The following ZSCAN31 variants were observed in gnomAD, a reference collection of about 807,000 sequenced individuals.
The protein encoded by ZSCAN31 is zinc finger and SCAN domain-containing protein 31.
A neutral mutation model predicts 22.5 loss-of-function variants in ZSCAN31; 14 were observed. The observed-to-expected ratio is 0.62, with a 90% CI of 0.41 to 0.97. The LOEUF (loss-of-function observed/expected upper bound fraction) is 0.97, where lower values mean the gene tolerates loss of function less well. Among genes scored for constraint, ZSCAN31 ranks in the 50% least tolerant of loss-of-function variants. The pLI is 0.00. For synonymous variants in ZSCAN31, 168 were observed against 169.8 expected, an observed-to-expected ratio of 0.99 and a Z score of 0.08; for missense variants, 424 against 483.4, an observed-to-expected ratio of 0.88 and a Z score of 1.15.
intron 2 of ZSCAN31, among the ~76,000 whole-genome samples, chr6:28,348,030 C>T (rs1764717097): frequency 6.6e-6 from 1 of 150,676 alleles, no homozygotes; most frequent in South Asian, 2.1e-4. Flanking sequence ...ATTGCCTGTG[C>T]ATATTTTTTG....
In ZSCAN31 at chr6:28,329,375, A is replaced by G; in HGVS notation, c.309T>C (p.His103=). ...CCACAGCCTCCTCCCCACTCTCCGGATGGTGCTCCCGCACCCAGGCCTGGA... is the reference window on the plus strand; with the variant it reads ...CCACAGCCTCCTCCCCACTCTCCGGGTGGTGCTCCCGCACCCAGGCCTGGA... ...EELQAWVREH[H]PESGEEAVAV... is the part of the protein sequence containing the mutation. Residue 103 remains histidine (H), a synonymous_variant, in exon 2 of 4, where the codon CAT becomes CAC. Coordinates refer to ENST00000344279, the MANE Select transcript of ZSCAN31 (RefSeq NM_030899.5). 1 of 1,613,960 alleles carries G rather than the reference A, an allele frequency of 6.2e-7. No homozygotes were observed. The highest frequency in any genetic ancestry group is 1.1e-5 in the South Asian group (1 of 91,076).
chr6:28,341,690 G>T (rs1764420398), intron 3 of ZSCAN31: 1 of 152,270 alleles, frequency 6.6e-6, no homozygotes, highest in Non-Finnish European at 1.5e-5. Flanking sequence ...ATTGGAGCAT[G>T]CATCCTCTGT....
In ZSCAN31 at chr6:28,351,726, C is replaced by T. The variant is rs1765031039; in HGVS notation, c.-371+2136G>A. ...CTCCCTCCTTTCTTTGTCTTCCTTT[C>T]CTTCCCTCCCTCTCCCCCTCTTTAT... On this transcript the variant is annotated intron_variant, in intron 2 of 7. Coordinates refer to the ZSCAN31 transcript ENST00000396838. This position sits in a 1 kb window ranked among gnomAD's most constrained non-coding sequence, Gnocchi z 4.6. 6.6e-6 allele frequency among the ~76,000 whole-genome samples: 1 copy of T among 151,542 alleles called. No homozygotes were observed. The highest frequency in any genetic ancestry group is 1.9e-4 in the East Asian group (1 of 5,174).
chr6:28,343,741 G>A (rs931743744), intron 2 of ZSCAN31, among the ~76,000 whole-genome samples: 1 of 151,844 alleles, frequency 6.6e-6, no homozygotes, highest in Non-Finnish European at 1.5e-5. Flanking sequence ...TGTTAGCCAG[G>A]ATAGTCTTGA....
Position 28,329,507 on chromosome 6 carries a change from C to A in ZSCAN31, c.177G>T (p.Arg59=), listed in dbSNP as rs962443986. 2.5e-6 allele frequency: 4 copies of A among 1,614,088 alleles called. No homozygotes were observed. The highest frequency in any genetic ancestry group is 3.4e-6 in the Non-Finnish European group (4 of 1,180,046). The change falls in exon 2 of 4, where the codon CGG becomes CGT. Residue 59 remains arginine (R), a synonymous_variant. Transcript: ENST00000344279. ...ETPGPREALS[R]LRELCHQWLR... The stretch of plus-strand genomic sequence containing the variant: ...GCCACTGATGACAGAGTTCTCGGAG[C>A]CGGCTCAGAGCTTCTCGGGGACCAG...
chr6:28,340,240 T>A (rs1024244114), upstream of ZSCAN31, among the ~76,000 whole-genome samples: 1 of 152,222 alleles, frequency 6.6e-6, no homozygotes, highest in Non-Finnish European at 1.5e-5. Flanking sequence ...AATTTACATT[T>A]CACATATAGA....
intron 2 of ZSCAN31, among the ~76,000 whole-genome samples, chr6:28,346,367 T>A (rs1057309137): frequency 3.2e-3 from 294 of 93,178 alleles, no homozygotes; most frequent in South Asian, 0.01. Context: ...TTTTTTTTTT[T>A]AAACTGAGTC....
rs5875155 is a variant in ZSCAN31, at chr6:28,346,342, C to CTTTTTTTTTTTTTT, written c.-370-4564_-370-4551dup. On this transcript the variant is annotated intron_variant, in intron 2 of 7. Transcript: ENST00000396838. ...GCTTCTTGCTTCTCCTCAGTACAAT[C>CTTTTTTTTTTTTTT]TTTTTTTTTTTTTTTTTTTTTTTTT... is the stretch of plus-strand genomic sequence containing the variant. Among the ~76,000 whole-genome samples the CTTTTTTTTTTTTTT allele has an allele frequency of 5.8e-3, 509 of 87,728 alleles. 58 individuals are homozygous for CTTTTTTTTTTTTTT. The highest frequency in any genetic ancestry group is 0.019 in the African/African-American group (413 of 21,350). The allele number at this position is 87,728 out of a possible 152,430, so 57.6% of individuals were successfully genotyped here. A position where few individuals can be genotyped will look rare whatever the true frequency, so the allele number is the denominator to read the frequency against.
rs1205996709 is a variant in ZSCAN31, at chr6:28,351,480, A to G, written c.-371+2382T>C. On this transcript the variant is annotated intron_variant, in intron 2 of 7. Transcript: ENST00000396838. The surrounding 1 kb of genome is among the most constrained non-coding windows in gnomAD (Gnocchi z 4.6). ...TTAGGACATTGTTTAATTTTCTAAA[A>G]TTTTGGAGAGAAATTTAAACACATT... Among the ~76,000 whole-genome samples, 1 of 152,150 alleles carries G rather than the reference A, an allele frequency of 6.6e-6. No individual in the cohort carries two copies. Among genetic ancestry groups the G allele is most frequent in the Non-Finnish European group, 1.5e-5 (1 of 68,020 alleles).
At chr6:28,345,701 A>C (rs1451150283) in intron 2 of ZSCAN31, among the ~76,000 whole-genome samples, 1 of 152,192 alleles carries the variant, frequency 6.6e-6, no homozygotes, top group East Asian at 1.9e-4. Context: ...AGGATCTGGC[A>C]TAACTTTACA....
chr6:28,354,717 C>T (rs528022321), upstream of ZSCAN31, among the ~76,000 whole-genome samples: 2 of 152,358 alleles, frequency 1.3e-5, no homozygotes, highest in Admixed American at 1.3e-4. Flanking sequence ...TTTTGCTTCC[C>T]TACCTTTAGG....
In ZSCAN31 at chr6:28,326,279, G is replaced by C; in HGVS notation, c.1108C>G (p.Leu370Val). The C allele has an allele frequency of 1.2e-6, 2 of 1,613,774 alleles. No individual in the cohort carries two copies. The highest frequency in any genetic ancestry group is 1.7e-6 in the Non-Finnish European group (2 of 1,179,890). Residue 370 changes from leucine to valine, a missense_variant, in exon 4 of 4, where the codon CTC becomes GTC. Leu to Val is a conservative substitution (Grantham distance 32). Transcript: ENST00000344279. ...GGTTTCTCACCAGTGTGGACTCGGA[G>C]ATGCTGGAAAAGCCCTGCATTCTGA... is the stretch of plus-strand genomic sequence containing the variant. ...FIQNAGLFQH[L>V]RVHTGEKPYQ...
intron 3 of ZSCAN31, chr6:28,341,656 C>T (rs989841209): frequency 1.3e-5 from 2 of 152,284 alleles, no homozygotes; most frequent in Admixed American, 6.5e-5. Context: ...TGGCTTATGA[C>T]TTCTTCCTTG....
chr6:28,355,574 T>C (rs1408362509), upstream of ZSCAN31: 1 of 152,208 alleles, frequency 6.6e-6, no homozygotes, highest in African/African-American at 2.4e-5. Context: ...CAGCTACCCA[T>C]AGGGCTTGTG....
intron 2 of ZSCAN31, among the ~76,000 whole-genome samples, chr6:28,353,093 C>T (rs1449474200): frequency 6.6e-6 from 1 of 151,932 alleles, no homozygotes; most frequent in East Asian, 1.9e-4. Flanking sequence ...CTCAGCCTCC[C>T]AAGTAGCTGA....
chr6:28,338,899 C>T (rs1440386726), upstream of ZSCAN31, among the ~76,000 whole-genome samples: 3 of 152,126 alleles, frequency 2.0e-5, no homozygotes, highest in Admixed American at 6.5e-5. Context: ...AAGTTTCTTT[C>T]AATTATGAGC....
chr6:28,326,981 A>G, intron 3 of ZSCAN31, 127 bp from the exon 4 acceptor site: 1 of 992,082 alleles, frequency 1.0e-6, no homozygotes, highest in Non-Finnish European at 1.4e-6. Context: ...TCAGTTAAGG[A>G]GCAGGTTGGG....
rs1445909062 is a variant in ZSCAN31, at chr6:28,331,962, G to A, written c.-95-2184C>T. 6.6e-6 allele frequency among the ~76,000 whole-genome samples: 1 copy of A among 152,122 alleles called. No homozygotes were observed. The highest frequency in any genetic ancestry group is 1.5e-5 in the Non-Finnish European group (1 of 68,022). On this transcript the variant is annotated intron_variant, in intron 1 of 3. Transcript: ENST00000344279. This position sits in a 1 kb window ranked among gnomAD's most constrained non-coding sequence, Gnocchi z 4.8. ...TCCTGGTCTTATGCCACCATGAACT[G>A]TCTTTATCCTTAATGCATAGCACAG... is the stretch of plus-strand genomic sequence containing the variant.
intron 2 of ZSCAN31, among the ~76,000 whole-genome samples, chr6:28,348,833 G>A (rs1764759501): frequency 6.6e-6 from 1 of 151,960 alleles, no homozygotes; most frequent in East Asian, 1.9e-4. Context: ...ATATCTTTAT[G>A]ATATTGAGTT....
Sources: gnomAD v4.1 joint callset for allele counts (sites outside exome capture counted in the v4.1 genomes callset) on GRCh38, gnomAD v4.1.1 for gene constraint, Gnocchi (gnomAD v3.1) non-coding constraint, MANE v1.5 for transcripts, NCBI Gene and HGNC (gene_info 2026-07-23, HGNC 2026-07-21) for gene names.